Variants in RALYL observed in about 807,000 individuals in gnomAD.
RALYL encodes RALY RNA binding protein like.
RALYL carries 29 observed loss-of-function variants against 35.1 expected under a neutral mutation model. The observed-to-expected ratio is 0.83, with a 90% CI of 0.61 to 1.13. The LOEUF (loss-of-function observed/expected upper bound fraction) is 1.13, where lower values mean the gene tolerates loss of function less well. Ranked by LOEUF, RALYL falls within the 50% of genes most tolerant of loss-of-function variation. The probability of loss-of-function intolerance (pLI) is 0.00; values close to 1 mark genes in which losing one functional copy is unlikely to be tolerated. For missense variants in RALYL, 359 were observed against 360.4 expected, an observed-to-expected ratio of 1.00 and a Z score of 0.03; for synonymous variants, 120 against 127.6, an observed-to-expected ratio of 0.94 and a Z score of 0.40.
chr8:84,434,765 C>G (rs375171120), intron 1 of RALYL, among the ~76,000 whole-genome samples: 54 of 152,212 alleles, frequency 3.5e-4, no homozygotes, highest in African/African-American at 1.3e-3. Context: ...CCAACTCAGC[C>G]TCCCGAGTAG....
chr8:84,562,263 C>A (rs933449736), intron 2 of RALYL, among the ~76,000 whole-genome samples: 2 of 152,004 alleles, frequency 1.3e-5, no homozygotes, highest in Non-Finnish European at 2.9e-5. Context: ...CATTATAGTT[C>A]ATTTGCATAA....
chr8:84,354,890 C>T (rs986640342), intron 1 of RALYL, among the ~76,000 whole-genome samples: 1 of 150,252 alleles, frequency 6.7e-6, no homozygotes, highest in Non-Finnish European at 1.5e-5. Context: ...AATAGCTCTA[C>T]CTGGGTAAAT....
intron 8 of RALYL, among the ~76,000 whole-genome samples, chr8:84,901,214 G>A (rs1845632720): frequency 6.6e-6 from 1 of 152,132 alleles, no homozygotes; most frequent in Non-Finnish European, 1.5e-5. Flanking sequence ...TTTTTCTAAA[G>A]TAAATGCTCT....
intron 4 of RALYL, among the ~76,000 whole-genome samples, chr8:84,828,032 C>T (rs146532809): frequency 9.2e-4 from 139 of 151,774 alleles, no homozygotes; most frequent in Middle Eastern, 3.4e-3. Context: ...CTTTAAAAGG[C>T]GTGGCCAGGT....
chr8:84,690,292 A>T (rs1448006738), intron 2 of RALYL, among the ~76,000 whole-genome samples: 4 of 152,200 alleles, frequency 2.6e-5, no homozygotes, highest in Admixed American at 6.6e-5. Context: ...AAAGACAAAT[A>T]CTACATGATC....
chr8:84,715,826 T>C (rs1842877221), intron 2 of RALYL, among the ~76,000 whole-genome samples: 1 of 152,100 alleles, frequency 6.6e-6, no homozygotes, highest in Non-Finnish European at 1.5e-5. Context: ...ACAATGGAAT[T>C]TCTGACACCT....
chr8:84,276,713 G>A (rs1305973817), intron 1 of RALYL, among the ~76,000 whole-genome samples: 1 of 152,140 alleles, frequency 6.6e-6, no homozygotes, highest in Non-Finnish European at 1.5e-5. Context: ...GGAGATGAGT[G>A]CTAAATGAGG....
At chr8:84,404,802 GA>G (rs2043290039) in intron 1 of RALYL, among the ~76,000 whole-genome samples, 1 of 152,118 alleles carries the variant, frequency 6.6e-6, no homozygotes, top group African/African-American at 2.4e-5. Context: ...GTCTGGTCCA[GA>G]AGTTTTTTTT....
At chr8:84,291,270 A>G (rs1331551556) in intron 1 of RALYL, among the ~76,000 whole-genome samples, 1 of 152,196 alleles carries the variant, frequency 6.6e-6, no homozygotes, top group African/African-American at 2.4e-5. Flanking sequence ...TATTGGCTGA[A>G]AGACTTGTGA....
chr8:84,557,507 T>G (rs1050428171), intron 2 of RALYL, among the ~76,000 whole-genome samples: 2 of 152,194 alleles, frequency 1.3e-5, no homozygotes, highest in Non-Finnish European at 2.9e-5. Context: ...TATCGCAATC[T>G]GAAATCAGCA....
intron 4 of RALYL, among the ~76,000 whole-genome samples, chr8:84,826,568 T>G (rs1829757262): frequency 6.6e-6 from 1 of 152,144 alleles, no homozygotes; most frequent in Non-Finnish European, 1.5e-5. Flanking sequence ...CTGCTCTCTA[T>G]TTGGGAATTA....
intron 8 of RALYL, among the ~76,000 whole-genome samples, chr8:84,895,508 GTGTT>G (rs1311637395): frequency 2.0e-5 from 3 of 151,786 alleles, no homozygotes; most frequent in Admixed American, 6.6e-5. Context: ...TCTGGTTTGT[GTGTT>G]TGTTTGTTTC....
At chr8:84,253,202 TTTTTTG>T in intron 1 of RALYL, among the ~76,000 whole-genome samples, 1 of 135,616 alleles carries the variant, frequency 7.4e-6, no homozygotes, top group African/African-American at 2.7e-5. Flanking sequence ...TTTTTTTTTT[TTTTTTG>T]AGACAGAATC....
chr8:84,542,908 C>A (rs116129273), intron 2 of RALYL, among the ~76,000 whole-genome samples: 1 of 152,134 alleles, frequency 6.6e-6, no homozygotes, highest in African/African-American at 2.4e-5. Flanking sequence ...TTCATTGACA[C>A]GTCCCTTAAG....
chr8:84,627,402 A>G (rs1822969681), intron 2 of RALYL, among the ~76,000 whole-genome samples: 1 of 146,886 alleles, frequency 6.8e-6, no homozygotes, highest in African/African-American at 2.5e-5. Flanking sequence ...TGTCATTCTT[A>G]ATTTTACAGT....
At chr8:84,825,880 T>C (rs950516968) in intron 4 of RALYL, among the ~76,000 whole-genome samples, 6 of 151,750 alleles carry the variant, frequency 4.0e-5, no homozygotes, top group Non-Finnish European at 7.4e-5. Context: ...ACCAAAAATA[T>C]AGCAAAGACA....
intron 2 of RALYL, among the ~76,000 whole-genome samples, chr8:84,712,506 C>A (rs2132492395): frequency 6.6e-6 from 1 of 152,124 alleles, no homozygotes; most frequent in African/African-American, 2.4e-5. Flanking sequence ...ATGTATTTTT[C>A]TGTTTAACAA....
Position 84,590,041 on chromosome 8 carries a change from A to G in RALYL, c.256+60464A>G, listed in dbSNP as rs140821643. ...GATAACACTGAATCTGGTGTGGTTT[A>G]ATTCCTTTGTTCTGTACATTTTGGA... On this transcript the variant is annotated intron_variant, in intron 2 of 8. Coordinates refer to ENST00000521268, the MANE Select transcript of RALYL (RefSeq NM_173848.7). 2.3e-3 allele frequency among the ~76,000 whole-genome samples: 350 copies of G among 152,316 alleles called. 3 individuals carry two copies. The highest frequency in any genetic ancestry group is 7.9e-3 in the African/African-American group (328 of 41,562).
chr8:84,488,285 G>A (rs886658491), intron 1 of RALYL, among the ~76,000 whole-genome samples: 13 of 152,040 alleles, frequency 8.6e-5, no homozygotes, highest in African/African-American at 2.9e-4. Context: ...AATTGCATGA[G>A]TTATCCCCTA....
Sources: gnomAD v4.1 joint callset for allele counts (sites outside exome capture counted in the v4.1 genomes callset) on GRCh38, gnomAD v4.1.1 for gene constraint, MANE v1.5 for transcripts, NCBI Gene and HGNC (gene_info 2026-07-23, HGNC 2026-07-21) for gene names.